Variants in NDUFA12 observed in about 807,000 individuals in gnomAD.
NDUFA12 encodes NADH dehydrogenase [ubiquinone] 1 alpha subcomplex subunit 12.
In NDUFA12, 17 loss-of-function variants were observed where a neutral mutation model predicts 20.3. That is an observed-to-expected ratio of 0.84 (90% CI 0.57 to 1.26). The LOEUF is 1.26. NDUFA12 is among the 50% of genes most tolerant of loss of function. The pLI, the probability that NDUFA12 is intolerant of heterozygous loss-of-function variation, is 0.00. For missense variants in NDUFA12, 191 were observed against 183.7 expected (o/e 1.04, Z -0.23); for synonymous variants, 72 against 63.6 (o/e 1.13, Z -0.63).
intron 3 of NDUFA12, among the ~76,000 whole-genome samples, chr12:94,983,419 G>A (rs919961641): frequency 3.2e-4 from 49 of 152,170 alleles, no homozygotes; most frequent in African/African-American, 1.1e-3. Context: ...CAGACGCCAT[G>A]TCAAGAGGTG....
chr12:94,994,897 TG>T (rs1874767029), intron 2 of NDUFA12, among the ~76,000 whole-genome samples: 3 of 152,322 alleles, frequency 2.0e-5, no homozygotes, highest in African/African-American at 7.2e-5. Flanking sequence ...ACTTGGGCTT[TG>T]TCACTTATTA....
intron 3 of NDUFA12, chr12:94,972,394 C>T (rs1245142374): frequency 2.4e-6 from 1 of 417,682 alleles, no homozygotes; most frequent in Non-Finnish European, 4.9e-6. Context: ...GATAAAAATA[C>T]AGTATTACTA....
rs200224620 is a variant in NDUFA12, at chr12:95,003,691, T to G, written c.-11A>C. 3.7e-5 allele frequency: 59 copies of G among 1,614,122 alleles called. 1 individual carries two copies. In the African/African-American group the frequency reaches 7.2e-4, roughly 20 times the overall value. ...CTGCACTAACTCCATCTTGCCTCGC[T>G]GGCCCCGCCTCCCGGGTGCGCCGAG... On this transcript the variant is annotated 5_prime_UTR_variant, in exon 1 of 4. Transcript: ENST00000327772.
rs540664723 is a variant in NDUFA12 at position 94,994,116 on chromosome 12, C to T, written c.257+54G>A. 8.8e-6 allele frequency: 13 copies of T among 1,476,768 alleles called. No homozygotes were observed. In the South Asian group the frequency reaches 1.4e-4, roughly 16 times the overall value. The allele number at this position is 1,476,768 out of a possible 1,614,324, so 91.5% of individuals were successfully genotyped here. ...TCCAGCCTGGGTGACAGAGTGAGAC[C>T]CTGTCTCAAAAAAGAAAAAAAAGAA... On this transcript the variant is annotated intron_variant, in intron 3 of 3. Transcript: ENST00000327772.
chr12:94,990,511 C>T (rs1321408187), intron 3 of NDUFA12, among the ~76,000 whole-genome samples: 3 of 152,166 alleles, frequency 2.0e-5, no homozygotes, highest in Non-Finnish European at 4.4e-5. Flanking sequence ...CAACCTCAAA[C>T]CCCTGGGCTG....
chr12:95,002,836 A>G lies in NDUFA12; in HGVS notation c.87-15T>C, dbSNP rs762804901. ...CATCATTTGTCCTGTGAATACCCAAAAGAAAACAGACATTTTAGAATGATT... is the reference window on the plus strand; with the variant it reads ...CATCATTTGTCCTGTGAATACCCAAGAGAAAACAGACATTTTAGAATGATT... On this transcript the variant is annotated splice_polypyrimidine_tract_variant and intron_variant, in intron 1 of 3. Transcript: ENST00000327772. The G allele has an allele frequency of 3.1e-6, 5 of 1,593,958 alleles. No individual in the cohort carries two copies. The highest frequency in any genetic ancestry group is 4.3e-6 in the Non-Finnish European group (5 of 1,161,738).
chr12:94,991,487 C>T (rs906164327), intron 3 of NDUFA12, among the ~76,000 whole-genome samples: 12 of 151,312 alleles, frequency 7.9e-5, no homozygotes, highest in Non-Finnish European at 1.5e-5. Context: ...CTACACTTTG[C>T]GAGGCCAAAG....
At chr12:94,990,028 T>C (rs1189867243) in intron 3 of NDUFA12, among the ~76,000 whole-genome samples, 3 of 152,122 alleles carry the variant, frequency 2.0e-5, no homozygotes, top group East Asian at 1.9e-4. Flanking sequence ...CTGAATTCCA[T>C]GTTGACACCT....
intron 3 of NDUFA12, among the ~76,000 whole-genome samples, chr12:94,990,281 A>AC (rs1437804969): frequency 2.0e-5 from 3 of 151,836 alleles, no homozygotes; most frequent in Non-Finnish European, 2.9e-5. Context: ...GAAAAAAAAA[A>AC]AACAAAAAAA....
intron 3 of NDUFA12, among the ~76,000 whole-genome samples, chr12:94,985,460 TA>T (rs1241813249): frequency 6.7e-6 from 1 of 149,958 alleles, no homozygotes; most frequent in Non-Finnish European, 1.5e-5. Context: ...TCGTCTCTAC[TA>T]AAAAAATACA....
At chr12:94,994,712 G>A (rs932012576) in intron 2 of NDUFA12, among the ~76,000 whole-genome samples, 1 of 152,152 alleles carries the variant, frequency 6.6e-6, no homozygotes, top group Non-Finnish European at 1.5e-5. Flanking sequence ...GATCCTTTTG[G>A]AAATTTGTGA....
At chr12:94,979,408 C>T (rs1315164747) in intron 3 of NDUFA12, among the ~76,000 whole-genome samples, 1 of 152,058 alleles carries the variant, frequency 6.6e-6, no homozygotes, top group Non-Finnish European at 1.5e-5. Flanking sequence ...ATTGTATATT[C>T]TTATAATCAG....
chr12:94,973,467 A>C (rs898607027), intron 3 of NDUFA12, among the ~76,000 whole-genome samples: 6 of 152,204 alleles, frequency 3.9e-5, no homozygotes, highest in African/African-American at 1.4e-4. Context: ...TTAGCTGTTA[A>C]AGTCAAGGCT....
At position 94,992,572 on chromosome 12, in the gene NDUFA12, T is replaced by C. The variant is rs1025566221; in HGVS notation, c.257+1598A>G. Among the ~76,000 whole-genome samples the C allele has an allele frequency of 4.6e-5, 7 of 152,308 alleles. No individual in the cohort carries two copies. In the East Asian group the frequency reaches 9.6e-4, roughly 21 times the overall value. Reference sequence around the variant, plus strand: ...GTAGAACTTGGGTGGAGCTTTCTAATTGCCTCAATCAATGGAATATGAAAG... The same window carrying C: ...GTAGAACTTGGGTGGAGCTTTCTAACTGCCTCAATCAATGGAATATGAAAG... On this transcript the variant is annotated intron_variant, in intron 3 of 3. Transcript: ENST00000327772.
Position 95,000,342 on chromosome 12 carries a change from C to A in NDUFA12, c.169+2397G>T, listed in dbSNP as rs187055619. ...ACTCAAGGGGATAAAAGACTACATA[C>A]TGGATACAGTGTAACACTGCTCGGG... On this transcript the variant is annotated intron_variant, in intron 2 of 3. Coordinates refer to ENST00000327772, the MANE Select transcript of NDUFA12 (RefSeq NM_018838.5). Among the ~76,000 whole-genome samples, 7 of 152,268 alleles carry A rather than the reference C, an allele frequency of 4.6e-5. No homozygotes were observed. In the East Asian group the frequency reaches 1.3e-3, roughly 29 times the overall value.
intron 3 of NDUFA12, 83 bp downstream of exon 3, chr12:94,994,087 G>T: frequency 8.2e-7 from 1 of 1,215,458 alleles, no homozygotes; most frequent in Non-Finnish European, 1.2e-6. Flanking sequence ...TCATGTCACT[G>T]CACTCCAGCC....
rs757970502 is a variant in NDUFA12 at position 94,994,276 on chromosome 12, ATT to A, written c.170-21_170-20del. 58 of 1,607,814 alleles carry A rather than the reference ATT, an allele frequency of 3.6e-5. No individual in the cohort carries two copies. Among genetic ancestry groups the A allele is most frequent in the Non-Finnish European group, 4.8e-5 (56 of 1,175,462 alleles). On this transcript the variant is annotated intron_variant, in intron 2 of 3. Coordinates refer to ENST00000327772, the MANE Select transcript of NDUFA12 (RefSeq NM_018838.5). ...TGACGGCCTGGGTGGGAAGATGAAC[ATT>A]TAAAAAGAAAAACTTTTTTTTTTAA...
chr12:94,980,419 C>T (rs907463025), intron 3 of NDUFA12, among the ~76,000 whole-genome samples: 5 of 152,192 alleles, frequency 3.3e-5, no homozygotes, highest in Admixed American at 1.3e-4. Context: ...CCCTCACCTG[C>T]CACCCTGTTT....
chr12:94,990,186 C>G (rs1037257001), intron 3 of NDUFA12, among the ~76,000 whole-genome samples: 1 of 151,814 alleles, frequency 6.6e-6, no homozygotes. Flanking sequence ...CACATGTTTA[C>G]CTATGTCAAC....
Sources: allele counts gnomAD v4.1 joint callset (sites outside exome capture counted in the v4.1 genomes callset), GRCh38; gene constraint gnomAD v4.1.1; transcripts MANE v1.5; gene names NCBI Gene and HGNC (gene_info 2026-07-23, HGNC 2026-07-21).